The following GABBR2 variants were observed in gnomAD, a reference collection of about 807,000 sequenced individuals.
GABBR2 encodes the protein G-protein coupled receptor 51.
A neutral mutation model predicts 105.6 loss-of-function variants in GABBR2; 23 were observed. That is an observed-to-expected ratio of 0.22 (90% CI 0.16 to 0.31). The LOEUF (loss-of-function observed/expected upper bound fraction) is 0.31. Among genes scored for constraint, GABBR2 ranks in the 10% least tolerant of loss-of-function variants. The pLI is 1.00. For synonymous variants in GABBR2, 478 were observed against 499.7 expected (o/e 0.96, Z 0.58); for missense variants, 734 against 1,245.5 (o/e 0.59, Z 6.18).
chr9:98,535,356 C>A (rs1828154697), intron 3 of GABBR2, among the ~76,000 whole-genome samples: 1 of 152,042 alleles, frequency 6.6e-6, no homozygotes, highest in Non-Finnish European at 1.5e-5. Flanking sequence ...CCACCTCAGT[C>A]TCCCAGAGTG....
intron 17 of GABBR2, 86 bp downstream of exon 17, chr9:98,299,136 TCA>T (rs1473535330): frequency 4.4e-6 from 5 of 1,142,732 alleles, no homozygotes; most frequent in Non-Finnish European, 6.6e-6. Context: ...TGTCTGAGCC[TCA>T]GTTTCTTCAT....
chr9:98,390,173 G>A (rs892457670), intron 9 of GABBR2, among the ~76,000 whole-genome samples: 14 of 152,040 alleles, frequency 9.2e-5, no homozygotes, highest in African/African-American at 3.1e-4. Context: ...TCAGGAGCTC[G>A]AGACCAGCCT....
chr9:98,518,864 C>T (rs1218537142), intron 3 of GABBR2, among the ~76,000 whole-genome samples: 3 of 152,140 alleles, frequency 2.0e-5, no homozygotes, highest in African/African-American at 7.2e-5. Flanking sequence ...AGTGTGTGCC[C>T]TGGGAGGGAG....
At chr9:98,383,965 C>A (rs1832026471) in intron 11 of GABBR2, among the ~76,000 whole-genome samples, 1 of 152,146 alleles carries the variant, frequency 6.6e-6, no homozygotes, top group Non-Finnish European at 1.5e-5. Flanking sequence ...CAGCAGTGGG[C>A]AACACTGAGG....
At chr9:98,685,499 T>C (rs944631229) in intron 1 of GABBR2, among the ~76,000 whole-genome samples, 1 of 152,194 alleles carries the variant, frequency 6.6e-6, no homozygotes, top group Non-Finnish European at 1.5e-5. Flanking sequence ...ACTTGTTGAA[T>C]GAATAAGGGC....
chr9:98,401,067 G>A (rs1320408113), intron 8 of GABBR2, among the ~76,000 whole-genome samples: 3 of 152,028 alleles, frequency 2.0e-5, no homozygotes, highest in African/African-American at 4.8e-5. Context: ...TGTTAAGAGT[G>A]CCCAAGAGAG....
intron 17 of GABBR2, among the ~76,000 whole-genome samples, chr9:98,295,710 G>GA (rs1830369781): frequency 6.6e-6 from 1 of 152,134 alleles, no homozygotes; most frequent in African/African-American, 2.4e-5. Context: ...ATTTTCAGTG[G>GA]AGACAGGGTT....
intron 1 of GABBR2, among the ~76,000 whole-genome samples, chr9:98,649,940 G>A (rs1252293764): frequency 6.6e-6 from 1 of 152,128 alleles, no homozygotes. Flanking sequence ...AGCATGTACA[G>A]CTATGTTAAT....
intron 7 of GABBR2, among the ~76,000 whole-genome samples, chr9:98,410,120 A>ATTTTTTTTTCTTT (rs1554702237): frequency 4.1e-5 from 6 of 147,348 alleles, no homozygotes; most frequent in African/African-American, 1.5e-4. Flanking sequence ...TTGAGCTGGA[A>ATTTTTTTTTCTTT]TTTTTTTTTT....
chr9:98,695,328 C>T (rs899321493), intron 1 of GABBR2, among the ~76,000 whole-genome samples: 7 of 152,110 alleles, frequency 4.6e-5, no homozygotes, highest in South Asian at 2.1e-4. Flanking sequence ...CATAGCCTGG[C>T]GGGGCAGTGA....
intron 3 of GABBR2, among the ~76,000 whole-genome samples, chr9:98,520,037 G>A (rs1827835379): frequency 6.6e-6 from 1 of 152,132 alleles, no homozygotes; most frequent in African/African-American, 2.4e-5. Flanking sequence ...CCCCACTGCT[G>A]GGCTACCTTG....
rs140922756 is a variant in GABBR2 at position 98,576,222 on chromosome 9, G to C, written c.459+1713C>G. Among the ~76,000 whole-genome samples, 302 of 152,288 alleles carry C rather than the reference G, an allele frequency of 2.0e-3. 2 individuals carry two copies. Among genetic ancestry groups the C allele is most frequent in the Middle Eastern group, 6.8e-3 (2 of 294 alleles). ...AGATCCTCTATGTGGTCAGGCTCCT[G>C]CTCACCCTGTCACTCACTCTCTTCA... On this transcript the variant is annotated intron_variant, in intron 2 of 18. Coordinates refer to ENST00000259455, the MANE Select transcript of GABBR2 (RefSeq NM_005458.8).
chr9:98,343,038 A>G (rs1831242412), intron 13 of GABBR2, among the ~76,000 whole-genome samples: 1 of 152,234 alleles, frequency 6.6e-6, no homozygotes, highest in African/African-American at 2.4e-5. Flanking sequence ...ATCTGTTTCC[A>G]TAGAAACATA....
chr9:98,407,371 C>T (rs1392798467), intron 7 of GABBR2, among the ~76,000 whole-genome samples: 4 of 152,142 alleles, frequency 2.6e-5, no homozygotes, highest in Non-Finnish European at 5.9e-5. Context: ...AAACACCTTC[C>T]AAGGCCACCT....
At chr9:98,543,248 TG>T (rs1828337465) in intron 2 of GABBR2, among the ~76,000 whole-genome samples, 1 of 152,122 alleles carries the variant, frequency 6.6e-6, no homozygotes, top group Non-Finnish European at 1.5e-5. Context: ...TCAAAGTTTT[TG>T]ATCTTTGCAG....
At chr9:98,300,439 C>G (rs1830450684) in intron 16 of GABBR2, among the ~76,000 whole-genome samples, 1 of 152,174 alleles carries the variant, frequency 6.6e-6, no homozygotes, top group African/African-American at 2.4e-5. Context: ...GCCACAGCAC[C>G]TGGCCCATTC....
In GABBR2 at chr9:98,634,410, T is replaced by C. The variant is rs577332161; in HGVS notation, c.322-56338A>G. ...ATATAATCAGTTAAGGATCTTGAGA[T>C]GAAATAATCCTGGATTGAGAACAGG... On this transcript the variant is annotated intron_variant, in intron 1 of 18. Transcript: ENST00000259455. 2.6e-5 allele frequency among the ~76,000 whole-genome samples: 4 copies of C among 152,312 alleles called. No individual in the cohort carries two copies. The East Asian group carries it at 5.8e-4, about 22-fold the overall frequency.
chr9:98,708,549 C>G lies in GABBR2; in HGVS notation c.189G>C (p.Pro63=). The change falls in exon 1 of 19, where the codon CCG becomes CCC. Residue 63 remains proline, a synonymous_variant. Transcript: ENST00000259455. ...SPPLSIMGLM[P]LTKEVAKGSI... ...TGCCCTTGGCCACCTCCTTGGTGAG[C>G]GGCATGAGGCCCATGATGGAGAGCG... 6.3e-7 allele frequency: 1 copy of G among 1,591,884 alleles called. No individual in the cohort carries two copies. The highest frequency in any genetic ancestry group is 8.5e-7 in the Non-Finnish European group (1 of 1,173,212).
At chr9:98,651,469 C>T (rs142630068) in intron 1 of GABBR2, among the ~76,000 whole-genome samples, 1 of 152,180 alleles carries the variant, frequency 6.6e-6, no homozygotes, top group Non-Finnish European at 1.5e-5. Flanking sequence ...GAATCTCACT[C>T]TGTTGCCAAG....
Sources: gnomAD v4.1 joint callset for allele counts (sites outside exome capture counted in the v4.1 genomes callset) on GRCh38, gnomAD v4.1.1 for gene constraint, MANE v1.5 for transcripts, NCBI Gene and HGNC (gene_info 2026-07-23, HGNC 2026-07-21) for gene names.